Variants in TATDN2 observed in about 807,000 individuals in gnomAD.
TATDN2 encodes TatD DNase domain containing 2.
Under a neutral mutation model 60.3 loss-of-function variants are expected in TATDN2, and 44 were observed. That is an observed-to-expected ratio of 0.73 (90% CI 0.57 to 0.94). The LOEUF (loss-of-function observed/expected upper bound fraction) is 0.94. TATDN2 is among the 40% of genes least tolerant of loss of function. The pLI is 0.00. For missense variants in TATDN2, 997 were observed against 948.0 expected (o/e 1.05, Z -0.68); for synonymous variants, 399 against 355.8 (o/e 1.12, Z -1.37).
intron 2 of TATDN2, among the ~76,000 whole-genome samples, chr3:10,258,353 C>A (rs1386680060): frequency 6.6e-6 from 1 of 152,140 alleles, no homozygotes; most frequent in Admixed American, 6.5e-5. Context: ...TCTCGGCTTA[C>A]TGCATCCTCC....
In TATDN2 at chr3:10,266,354, T is replaced by C. The variant is rs900856783; in HGVS notation, c.949-3777T>C. Among the ~76,000 whole-genome samples the C allele has an allele frequency of 2.6e-5, 4 of 152,212 alleles. No individual in the cohort carries two copies. The South Asian group carries it at 8.3e-4, about 32-fold the overall frequency. On this transcript the variant is annotated intron_variant, in intron 3 of 7. Coordinates refer to ENST00000448281, the MANE Select transcript of TATDN2 (RefSeq NM_014760.4). ...TGTGTGGATGAATTTTCTAAAGTTATACCCAAACTTCTATTTATGAGACTG... is the reference window on the plus strand; with the variant it reads ...TGTGTGGATGAATTTTCTAAAGTTACACCCAAACTTCTATTTATGAGACTG...
At chr3:10,256,186 C>T (rs1698305578) in intron 2 of TATDN2, among the ~76,000 whole-genome samples, 1 of 151,618 alleles carries the variant, frequency 6.6e-6, no homozygotes, top group African/African-American at 2.4e-5. Flanking sequence ...TTTTTTGAGA[C>T]AGCGTCTCCA....
rs1221347252 is a variant in TATDN2 at position 10,252,188 on chromosome 3, G to T, written c.414+2574G>T. On this transcript the variant is annotated intron_variant, in intron 2 of 7. Transcript: ENST00000448281. ...AAAAAATTTTTTTTTTTGTAGAGAT[G>T]AAGATCTCACTGTGTTGCCCAGGCT... 5.6e-5 allele frequency among the ~76,000 whole-genome samples: 8 copies of T among 144,022 alleles called. No individual in the cohort carries two copies. The South Asian group carries it at 1.9e-3, about 34-fold the overall frequency. 94.5% of individuals were successfully genotyped at this position (144,022 alleles called of 152,430 possible). A position where few individuals can be genotyped will look rare whatever the true frequency, so the allele number is the denominator to read the frequency against.
intron 3 of TATDN2, 92 bp from the exon 4 acceptor site, chr3:10,270,039 C>A (rs923861873): frequency 2.8e-5 from 42 of 1,489,312 alleles, no homozygotes; most frequent in Non-Finnish European, 3.7e-5. Context: ...GCCAGAAGAA[C>A]AAGCCAGGGT....
At position 10,248,906 on chromosome 3, in the gene TATDN2, G is replaced by A. The variant is rs944626251; in HGVS notation, c.-168G>A. The A allele has an allele frequency of 2.7e-6, 1 of 376,562 alleles. No individual in the cohort carries two copies. Among genetic ancestry groups the A allele is most frequent in the Non-Finnish European group, 4.7e-6 (1 of 212,488 alleles). The allele number at this position is 376,562 out of a possible 1,614,324, so 23.3% of individuals were successfully genotyped here. A position where few individuals can be genotyped will look rare whatever the true frequency, so the allele number is the denominator to read the frequency against. ...GAAGCGCTTAGGCATCTCCGAAGTA[G>A]CGCTGGGCAAAGTGAAGGCTTCCTG... On this transcript the variant is annotated 5_prime_UTR_variant, in exon 1 of 8. Transcript: ENST00000448281.
Position 10,249,624 on chromosome 3 carries a change from T to A in TATDN2, c.414+10T>A, listed in dbSNP as rs1698191639. On this transcript the variant is annotated intron_variant, in intron 2 of 7. Transcript: ENST00000448281. The stretch of plus-strand genomic sequence containing the variant: ...AGCCTGCAGCCTTAAGGTAGGTGGC[T>A]GCCACGCTTTGCAATCGGTGAAGCC... 1.3e-6 allele frequency: 2 copies of A among 1,501,720 alleles called. No individual in the cohort carries two copies. Among genetic ancestry groups the A allele is most frequent in the African/African-American group, 1.4e-5 (1 of 70,706 alleles). The allele number at this position is 1,501,720 out of a possible 1,614,324, so 93.0% of individuals were successfully genotyped here.
Position 10,249,758 on chromosome 3 carries a change from A to G in TATDN2, c.414+144A>G. On this transcript the variant is annotated intron_variant, in intron 2 of 7. Transcript: ENST00000448281. ...GTCTTTCTAGAAGTCCACTCCCCCC[A>G]AACTCGAAGACCTAGCAGTCTTCCA... 3.0e-6 allele frequency: 3 copies of G among 1,002,416 alleles called. No homozygotes were observed. In the South Asian group the frequency reaches 8.5e-5, roughly 28 times the overall value. 62.1% of individuals were successfully genotyped at this position (1,002,416 alleles called of 1,614,324 possible). A position where few individuals can be genotyped will look rare whatever the true frequency, so the allele number is the denominator to read the frequency against.
In TATDN2 at chr3:10,260,304, C is replaced by T. The variant is rs949807237; in HGVS notation, c.582C>T (p.Ile194=). The T allele has an allele frequency of 6.2e-7, 1 of 1,614,148 alleles. No individual in the cohort carries two copies. The highest frequency in any genetic ancestry group is 8.5e-7 in the Non-Finnish European group (1 of 1,180,022). The change falls in exon 3 of 8, where the codon ATC becomes ATT. Residue 194 remains isoleucine, a synonymous_variant. Coordinates refer to ENST00000448281, the MANE Select transcript of TATDN2 (RefSeq NM_014760.4). ...TMIYLKAIQG[I]LGKSMPKRKG... is the part of the protein sequence containing the mutation. ...TCTACCTGAAGGCTATCCAGGGCAT[C>T]CTGGGGAAATCGATGCCAAAAAGGA...
chr3:10,260,582 C>A lies in TATDN2; in HGVS notation c.860C>A (p.Pro287His), dbSNP rs1315553304. Residue 287 changes from proline (P) to histidine (H), a missense_variant, in exon 3 of 8, where the codon CCC becomes CAC. Coordinates refer to ENST00000448281, the MANE Select transcript of TATDN2 (RefSeq NM_014760.4). ...CCTCAAGAGAAACCCAGTGAGGAGC[C>A]CCTTGGGGACCGAAGGACTGTCATT... ...IDPQEKPSEE[P>H]LGDRRTVIDK... 1 of 1,614,116 alleles carries A rather than the reference C, an allele frequency of 6.2e-7. No homozygotes were observed. The highest frequency in any genetic ancestry group is 1.1e-5 in the South Asian group (1 of 91,074).
chr3:10,278,376 G>C lies in TATDN2; in HGVS notation c.2059G>C (p.Ala687Pro). 1 of 1,614,190 alleles carries C rather than the reference G, an allele frequency of 6.2e-7. No homozygotes were observed. Among genetic ancestry groups the C allele is most frequent in the Non-Finnish European group, 8.5e-7 (1 of 1,180,014 alleles). The change falls in exon 6 of 8, where the codon GCC becomes CCC. Residue 687 changes from alanine (A) to proline (P), a missense_variant. Coordinates refer to ENST00000448281, the MANE Select transcript of TATDN2 (RefSeq NM_014760.4). This position sits in a 1 kb window ranked among gnomAD's most constrained non-coding sequence, Gnocchi z 4.7. ...GFTAVLTYSSAWEAREALRQI... is the reference protein window; with the variant it reads ...GFTAVLTYSSPWEAREALRQI... ...CACGGCAGTGCTGACATACTCCTCT[G>C]CCTGGGAGGCCCGGGAAGCCTTGAG... is the stretch of plus-strand genomic sequence containing the variant.
intron 5 of TATDN2, among the ~76,000 whole-genome samples, chr3:10,277,451 C>A (rs769894321): frequency 6.6e-6 from 1 of 152,114 alleles, no homozygotes; most frequent in Non-Finnish European, 1.5e-5. Context: ...ATTATCATAG[C>A]CCAGCCAGAA....
chr3:10,260,817 T>A, intron 3 of TATDN2, 147 bp downstream of exon 3: 1 of 968,408 alleles, frequency 1.0e-6, no homozygotes, highest in Non-Finnish European at 1.5e-6. Flanking sequence ...GGTTTTCTTC[T>A]AACATACTTT....
At chr3:10,251,269 G>C (rs760016875) in intron 2 of TATDN2, among the ~76,000 whole-genome samples, 4 of 152,138 alleles carry the variant, frequency 2.6e-5, no homozygotes, top group Non-Finnish European at 4.4e-5. Context: ...AGTGAGCCCA[G>C]AATGGAGGCT....
intron 5 of TATDN2, among the ~76,000 whole-genome samples, chr3:10,276,849 A>G (rs1393447873): frequency 6.6e-6 from 1 of 152,120 alleles, no homozygotes; most frequent in East Asian, 1.9e-4. Context: ...GGCCTCCCAA[A>G]GTGCTGGGAT....
At chr3:10,253,950 C>T (rs763261853) in intron 2 of TATDN2, among the ~76,000 whole-genome samples, 9 of 152,328 alleles carry the variant, frequency 5.9e-5, no homozygotes, top group East Asian at 1.9e-4. Flanking sequence ...AGCACCTGCT[C>T]TGTTCTAGCC....
intron 3 of TATDN2, among the ~76,000 whole-genome samples, chr3:10,268,219 T>C (rs149631586): frequency 1.3e-5 from 2 of 152,236 alleles, no homozygotes. Context: ...GTGAGAAGTC[T>C]AAGGCAGGAA....
At chr3:10,271,789 C>T (rs552937587) in intron 4 of TATDN2, among the ~76,000 whole-genome samples, 14 of 151,436 alleles carry the variant, frequency 9.2e-5, no homozygotes, top group South Asian at 6.3e-4. Flanking sequence ...CGGCTCACTG[C>T]GGCCTCCACC....
intron 2 of TATDN2, among the ~76,000 whole-genome samples, chr3:10,252,167 A>ATT (rs1576002642): frequency 6.7e-6 from 1 of 149,010 alleles, no homozygotes; most frequent in African/African-American, 2.5e-5. Context: ...AAAAAAAAAA[A>ATT]ATTTTTTTTT....
intron 2 of TATDN2, among the ~76,000 whole-genome samples, chr3:10,252,457 C>T (rs1698245092): frequency 6.6e-6 from 1 of 152,148 alleles, no homozygotes; most frequent in Non-Finnish European, 1.5e-5. Context: ...ATATGTTTGT[C>T]AGTTTAAAAA....
Sources: allele counts gnomAD v4.1 joint callset (sites outside exome capture counted in the v4.1 genomes callset), GRCh38; gene constraint gnomAD v4.1.1; non-coding constraint Gnocchi (gnomAD v3.1); transcripts MANE v1.5; gene names NCBI Gene and HGNC (gene_info 2026-07-23, HGNC 2026-07-21).